SRL: variants seen among roughly 807,000 people sequenced by gnomAD.
The protein encoded by SRL is sarcalumenin.
Under a neutral mutation model 39.5 loss-of-function variants are expected in SRL, and 23 were observed. The observed-to-expected ratio is 0.58, with a 90% CI of 0.42 to 0.82. The LOEUF (loss-of-function observed/expected upper bound fraction) is 0.82. Among genes scored for constraint, SRL ranks in the 40% least tolerant of loss-of-function variants. The probability of loss-of-function intolerance (pLI) is 0.00; values close to 1 mark genes in which losing one functional copy is unlikely to be tolerated. For missense variants in SRL, 592 were observed against 607.8 expected (o/e 0.97, Z 0.27); for synonymous variants, 272 against 237.4 (o/e 1.15, Z -1.34).
At chr16:4,205,564 C>T (rs2141034896) in intron 1 of SRL, among the ~76,000 whole-genome samples, 2 of 106,226 alleles carry the variant, frequency 1.9e-5, no homozygotes, top group Middle Eastern at 0.013. Flanking sequence ...CCCCAGGTCT[C>T]TGCTGGGGGG....
intron 1 of SRL, among the ~76,000 whole-genome samples, chr16:4,234,722 C>T (rs1264256285): frequency 2.0e-5 from 3 of 152,244 alleles, no homozygotes; most frequent in Admixed American, 1.3e-4. Context: ...CTCTCGAGCA[C>T]TGGGCAGATC....
chr16:4,210,044 A>G (rs576244924), intron 1 of SRL, among the ~76,000 whole-genome samples: 7 of 152,306 alleles, frequency 4.6e-5, no homozygotes, highest in African/African-American at 1.7e-4. Flanking sequence ...CAGGAATCCA[A>G]TTTAATTCTG....
In SRL at chr16:4,204,395, A is replaced by AGCCTCTAAGATACAGCCCCG. The variant is rs2052282826; in HGVS notation, c.163+137_163+138insCGGGGCTGTATCTTAGAGGC. 2.6e-4 allele frequency: 21 copies of AGCCTCTAAGATACAGCCCCG among 80,520 alleles called. 1 individual carries two copies. Among genetic ancestry groups the AGCCTCTAAGATACAGCCCCG allele is most frequent in the South Asian group, 1.4e-3 (12 of 8,684 alleles). The allele number at this position is 80,520 out of a possible 1,614,324, so 5.0% of individuals were successfully genotyped here. A position where few individuals can be genotyped will look rare whatever the true frequency, so the allele number is the denominator to read the frequency against. On this transcript the variant is annotated intron_variant, in intron 2 of 5. Transcript: ENST00000399609. Reference sequence around the variant, plus strand: ...TCTCCTCTTCCCCAACGTCCCCTCCAGCCTCCAAGATAGATACAGCCCCGG... The same window carrying AGCCTCTAAGATACAGCCCCG: ...TCTCCTCTTCCCCAACGTCCCCTCCAGCCTCTAAGATACAGCCCCGGCCTCCAAGATAGATACAGCCCCGG...
Position 4,192,019 on chromosome 16 carries a change from C to G in SRL, c.*134G>C. On this transcript the variant is annotated 3_prime_UTR_variant, in exon 6 of 6. Transcript: ENST00000399609. This position sits in a 1 kb window ranked among gnomAD's most constrained non-coding sequence, Gnocchi z 4.0. ...CCACACACCTGCCCCGACCCCTGGC[C>G]TCAATGAACTCCCAACTCTCCACTG... 2 of 1,014,268 alleles carry G rather than the reference C, an allele frequency of 2.0e-6. No individual in the cohort carries two copies. The highest frequency in any genetic ancestry group is 1.5e-6 in the Non-Finnish European group (1 of 686,426). The allele number at this position is 1,014,268 out of a possible 1,614,324, so 62.8% of individuals were successfully genotyped here. A position where few individuals can be genotyped will look rare whatever the true frequency, so the allele number is the denominator to read the frequency against.
intron 4 of SRL, among the ~76,000 whole-genome samples, chr16:4,196,734 C>T (rs749915804): frequency 6.6e-6 from 1 of 152,164 alleles, no homozygotes; most frequent in Non-Finnish European, 1.5e-5. Context: ...CCACCTCGGC[C>T]TCCCAAAGTG....
At chr16:4,214,559 T>C (rs966547614) in intron 1 of SRL, among the ~76,000 whole-genome samples, 8 of 152,068 alleles carry the variant, frequency 5.3e-5, no homozygotes, top group African/African-American at 1.7e-4. Context: ...TGGCTCTCAT[T>C]GGCTGTATAT....
chr16:4,220,316 C>T (rs1463610201), intron 1 of SRL, among the ~76,000 whole-genome samples: 2 of 148,486 alleles, frequency 1.3e-5, no homozygotes, highest in Non-Finnish European at 3.0e-5. Flanking sequence ...CACAAATAAC[C>T]GGGTGTGGTG....
chr16:4,226,657 G>A (rs1435410869), intron 1 of SRL, among the ~76,000 whole-genome samples: 2 of 151,876 alleles, frequency 1.3e-5, no homozygotes, highest in Non-Finnish European at 2.9e-5. Flanking sequence ...AAGGAAGGGT[G>A]AATGGAAGGA....
chr16:4,230,629 C>T (rs530379769), intron 1 of SRL, among the ~76,000 whole-genome samples: 65 of 151,884 alleles, frequency 4.3e-4, no homozygotes, highest in Admixed American at 3.9e-4. Flanking sequence ...CCTCGTGATC[C>T]GCACCCCCTT....
intron 1 of SRL, among the ~76,000 whole-genome samples, chr16:4,221,975 A>G (rs1393095581): frequency 6.6e-6 from 1 of 152,138 alleles, no homozygotes; most frequent in Non-Finnish European, 1.5e-5. Flanking sequence ...GCATGACCTC[A>G]TCTTAACTAA....
chr16:4,241,469 C>G (rs906065152), intron 1 of SRL, among the ~76,000 whole-genome samples: 1 of 152,196 alleles, frequency 6.6e-6, no homozygotes, highest in South Asian at 2.1e-4. Flanking sequence ...CCAGCCCAAC[C>G]GCCAACTCTA....
At position 4,241,991 on chromosome 16, in the gene SRL, C is replaced by G; in HGVS notation, c.61+16G>C. 6.2e-7 allele frequency: 1 copy of G among 1,613,668 alleles called. No homozygotes were observed. The highest frequency in any genetic ancestry group is 8.5e-7 in the Non-Finnish European group (1 of 1,179,876). ...GGGGACCAGTCTGGGCTGGGTCATG[C>G]TGGGAGGGGCCCTACCTGCTTGTCC... is the stretch of plus-strand genomic sequence containing the variant. On this transcript the variant is annotated intron_variant, in intron 1 of 5. Coordinates refer to ENST00000399609, the MANE Select transcript of SRL (RefSeq NM_001098814.2).
At chr16:4,230,604 G>A (rs575094045) in intron 1 of SRL, among the ~76,000 whole-genome samples, 5 of 151,738 alleles carry the variant, frequency 3.3e-5, no homozygotes, top group African/African-American at 9.7e-5. Context: ...GGCCAGGCTG[G>A]TCTTGAACTC....
At chr16:4,223,937 G>C (rs2141058596) in intron 1 of SRL, among the ~76,000 whole-genome samples, 1 of 152,240 alleles carries the variant, frequency 6.6e-6, no homozygotes, top group Middle Eastern at 3.4e-3. Flanking sequence ...TCAGCCCTAG[G>C]CCCATCATGG....
chr16:4,208,030 C>T (rs568175682), intron 1 of SRL: 9 of 456,406 alleles, frequency 2.0e-5, no homozygotes, highest in East Asian at 6.9e-5. Context: ...TCTAGACTTG[C>T]GTCTCCAGCA....
At chr16:4,218,537 C>T (rs1653031000) in intron 1 of SRL, among the ~76,000 whole-genome samples, 1 of 152,188 alleles carries the variant, frequency 6.6e-6, no homozygotes, top group Admixed American at 6.5e-5. Flanking sequence ...CTCCAATATA[C>T]AGCGGCGCTT....
chr16:4,233,616 G>A (rs1221948589), intron 1 of SRL, among the ~76,000 whole-genome samples: 1 of 151,928 alleles, frequency 6.6e-6, no homozygotes, highest in Non-Finnish European at 1.5e-5. Flanking sequence ...CAAATAGAAG[G>A]TCAGCTCCTG....
chr16:4,205,657 G>A (rs2052309273), intron 1 of SRL, among the ~76,000 whole-genome samples: 1 of 152,162 alleles, frequency 6.6e-6, no homozygotes. Context: ...GAGAAGGGGT[G>A]TCTGGCTGCA....
In SRL at chr16:4,204,566, G is replaced by A; in HGVS notation, c.130C>T (p.Leu44=). 6.2e-7 allele frequency: 1 copy of A among 1,614,162 alleles called. No individual in the cohort carries two copies. Among genetic ancestry groups the A allele is most frequent in the Non-Finnish European group, 8.5e-7 (1 of 1,180,026 alleles). ...DRSHIEKTLM[L]NEDKPSDDYS... is the part of the protein sequence containing the mutation. ...TCATCGGATGGCTTGTCCTCATTCA[G>A]CATGAGGGTCTTCTCGATGTGGGAG... The change falls in exon 2 of 6, where the codon CTG becomes TTG. Residue 44 remains leucine (L), a synonymous_variant. Coordinates refer to ENST00000399609, the MANE Select transcript of SRL (RefSeq NM_001098814.2).
Sources: gnomAD v4.1 joint callset for allele counts (sites outside exome capture counted in the v4.1 genomes callset) on GRCh38, gnomAD v4.1.1 for gene constraint, Gnocchi (gnomAD v3.1) non-coding constraint, MANE v1.5 for transcripts, NCBI Gene and HGNC (gene_info 2026-07-23, HGNC 2026-07-21) for gene names.